CPSF6: variants seen among roughly 807,000 people sequenced by gnomAD.
CPSF6 encodes cleavage and polyadenylation specific factor 6.
CPSF6 carries 10 observed loss-of-function variants against 56.7 expected under a neutral mutation model. The ratio of observed to expected loss-of-function variants is 0.18; its 90% CI spans 0.11 to 0.30. CPSF6 has a LOEUF of 0.30. Ranked by LOEUF, CPSF6 falls within the 10% of genes least tolerant of loss-of-function variation. CPSF6 has a pLI of 1.00. For missense variants in CPSF6, 419 were observed against 722.9 expected, an observed-to-expected ratio of 0.58 and a Z score of 4.82; for synonymous variants, 248 against 244.8, an observed-to-expected ratio of 1.01 and a Z score of -0.12.
Position 69,256,707 on chromosome 12 carries a change from G to C in CPSF6, c.385G>C (p.Val129Leu). ...ANGQSKGFAL[V>L]GVGSEASSKK... ...TTAAACACTTTTTAGGTTTGCCCTTGTTGGTGTTGGATCTGAAGCATCTTC... is the reference window on the plus strand; with the variant it reads ...TTAAACACTTTTTAGGTTTGCCCTTCTTGGTGTTGGATCTGAAGCATCTTC... Residue 129 changes from valine to leucine, a missense_variant, in exon 4 of 10, where the codon GTT (valine) becomes CTT (leucine). Transcript: ENST00000435070. The C allele has an allele frequency of 6.2e-7, 1 of 1,611,420 alleles. No homozygotes were observed. The highest frequency in any genetic ancestry group is 1.3e-5 in the African/African-American group (1 of 74,838).
At position 69,269,676 on chromosome 12, in the gene CPSF6, G is replaced by A; in HGVS notation, c.*168G>A. On this transcript the variant is annotated 3_prime_UTR_variant, in exon 10 of 10. Coordinates refer to ENST00000435070, the MANE Select transcript of CPSF6 (RefSeq NM_007007.3). ...AGCAAATCTGCATAAATGGTAACCA[G>A]TAGCTCTACTTTTATTTTTTATGTT... is the stretch of plus-strand genomic sequence containing the variant. 4.4e-6 allele frequency: 1 copy of A among 228,748 alleles called. No homozygotes were observed. The highest frequency in any genetic ancestry group is 4.6e-5 in the South Asian group (1 of 21,878). The allele number at this position is 228,748 out of a possible 1,614,324, so 14.2% of individuals were successfully genotyped here.
chr12:69,258,788 C>A lies in CPSF6; in HGVS notation c.893C>A (p.Pro298His). The A allele has an allele frequency of 6.2e-7, 1 of 1,614,010 alleles. No individual in the cohort carries two copies. The highest frequency in any genetic ancestry group is 8.5e-7 in the Non-Finnish European group (1 of 1,179,964). Reference sequence around the variant, plus strand: ...GGTCCACTTCCTCCTGGCCCTCCACCTCCAGTTCCAGGCTACGGCCCCCCT... The same window carrying A: ...GGTCCACTTCCTCCTGGCCCTCCACATCCAGTTCCAGGCTACGGCCCCCCT... ...PLGPLPPGPP[P>H]PVPGYGPPPG... Residue 298 changes from proline to histidine, a missense_variant, in exon 6 of 10, where the codon CCT (proline) becomes CAT (histidine). By Grantham distance (77) the Pro-to-His change is moderately conservative. This residue lies in a region of CPSF6 where 211 missense variants were observed against 296.0 expected (regional missense o/e 0.71). Transcript: ENST00000435070. This position sits in a 1 kb window ranked among gnomAD's most constrained non-coding sequence, Gnocchi z 4.2.
Position 69,258,479 on chromosome 12 carries a change from C to T in CPSF6, c.695-111C>T. The T allele has an allele frequency of 1.8e-6, 2 of 1,126,496 alleles. No homozygotes were observed. Among genetic ancestry groups the T allele is most frequent in the Non-Finnish European group, 2.5e-6 (2 of 815,484 alleles). The allele number at this position is 1,126,496 out of a possible 1,614,324, so 69.8% of individuals were successfully genotyped here. Reference sequence around the variant, plus strand: ...TTACCATACGGGTTTAATTTAAAGACAAAGACTTGGTGTATGCTCTATGCG... The same window carrying T: ...TTACCATACGGGTTTAATTTAAAGATAAAGACTTGGTGTATGCTCTATGCG... On this transcript the variant is annotated intron_variant, in intron 5 of 9. Transcript: ENST00000435070. The surrounding 1 kb of genome is among the most constrained non-coding windows in gnomAD (Gnocchi z 4.2).
chr12:69,274,258 T>TGTTC lies in CPSF6; in HGVS notation c.*4752_*4755dup, dbSNP rs1163349785. ...TTCCTTTCTTTAGCATTTAGGTGAC[T>TGTTC]GTTCGGCAGTTTGATATATGGCCAT... is the stretch of plus-strand genomic sequence containing the variant. On this transcript the variant is annotated 3_prime_UTR_variant, in exon 10 of 10. Coordinates refer to ENST00000435070, the MANE Select transcript of CPSF6 (RefSeq NM_007007.3). 6.6e-6 allele frequency: 1 copy of TGTTC among 152,046 alleles called. No homozygotes were observed. Among genetic ancestry groups the TGTTC allele is most frequent in the Non-Finnish European group, 1.5e-5 (1 of 67,918 alleles). 9.4% of individuals were successfully genotyped at this position (152,046 alleles called of 1,614,324 possible). A position where few individuals can be genotyped will look rare whatever the true frequency, so the allele number is the denominator to read the frequency against.
intron 8 of CPSF6, among the ~76,000 whole-genome samples, chr12:69,260,946 T>G (rs1178165756): frequency 6.6e-6 from 1 of 151,578 alleles, no homozygotes; most frequent in African/African-American, 2.4e-5. Flanking sequence ...GCCTACAGAG[T>G]GTGTGGTACA....
At chr12:69,251,107 G>A in intron 1 of CPSF6, 22 bp from the exon 2 acceptor site, 1 of 1,599,560 alleles carries the variant, frequency 6.3e-7, no homozygotes, top group Non-Finnish European at 8.5e-7. Context: ...GTATAATCTA[G>A]AGCATTATTT....
chr12:69,257,955 T>A, intron 5 of CPSF6, 50 bp downstream of exon 5: 1 of 1,588,380 alleles, frequency 6.3e-7, no homozygotes, highest in South Asian at 1.1e-5. Flanking sequence ...ACCTAATACC[T>A]CTTTTCCTTT....
rs762352192 is a variant in CPSF6, at chr12:69,269,715, A to G, written c.*207A>G. ...ATTTTTTATGTTGCTTAACTGTTTT[A>G]TTTGAAGGAAACCTGTGTGATTTAA... On this transcript the variant is annotated 3_prime_UTR_variant, in exon 10 of 10. Transcript: ENST00000435070. The G allele has an allele frequency of 1.0e-4, 22 of 209,908 alleles. No individual in the cohort carries two copies. The highest frequency in any genetic ancestry group is 4.7e-4 in the African/African-American group (20 of 42,422). 13.0% of individuals were successfully genotyped at this position (209,908 alleles called of 1,614,324 possible). A position where few individuals can be genotyped will look rare whatever the true frequency, so the allele number is the denominator to read the frequency against.
chr12:69,273,945 T>G lies in CPSF6; in HGVS notation c.*4437T>G, dbSNP rs1316080733. 6.6e-6 allele frequency: 1 copy of G among 151,926 alleles called. No individual in the cohort carries two copies. Among genetic ancestry groups the G allele is most frequent in the African/African-American group, 2.4e-5 (1 of 41,410 alleles). 9.4% of individuals were successfully genotyped at this position (151,926 alleles called of 1,614,324 possible). A position where few individuals can be genotyped will look rare whatever the true frequency, so the allele number is the denominator to read the frequency against. ...GCCCTTAACAACAACAACAAAAAAT[T>G]GTATCATTTTACCAATATCCACGAA... On this transcript the variant is annotated 3_prime_UTR_variant, in exon 10 of 10. Coordinates refer to ENST00000435070, the MANE Select transcript of CPSF6 (RefSeq NM_007007.3).
At chr12:69,249,780 G>A (rs1004434356) in intron 1 of CPSF6, among the ~76,000 whole-genome samples, 1 of 152,086 alleles carries the variant, frequency 6.6e-6, no homozygotes, top group African/African-American at 2.4e-5. Context: ...CATTTTTCAT[G>A]TACTTAGTTA....
At chr12:69,244,591 TCTTA>T (rs1377433014) in intron 1 of CPSF6, among the ~76,000 whole-genome samples, 3 of 151,788 alleles carry the variant, frequency 2.0e-5, no homozygotes, top group Non-Finnish European at 4.4e-5. Context: ...AGAGACAAGG[TCTTA>T]CTGTGTTGCA....
intron 9 of CPSF6, among the ~76,000 whole-genome samples, chr12:69,265,657 C>T (rs2120627026): frequency 7.1e-6 from 1 of 140,098 alleles, no homozygotes; most frequent in African/African-American, 2.7e-5. Flanking sequence ...GTCTAGAGTG[C>T]AGTGGCACAA....
chr12:69,254,170 A>G (rs761299284), intron 3 of CPSF6, among the ~76,000 whole-genome samples: 19 of 131,630 alleles, frequency 1.4e-4, no homozygotes, highest in Admixed American at 5.5e-4. Flanking sequence ...TGTACTCCAC[A>G]TAACAGAAGT....
chr12:69,257,081 T>C (rs896832588), intron 4 of CPSF6, among the ~76,000 whole-genome samples: 1 of 152,212 alleles, frequency 6.6e-6, no homozygotes, highest in Admixed American at 6.5e-5. Flanking sequence ...AATGTGCAAG[T>C]TCTATAGCCC....
At chr12:69,254,404 A>C (rs532331187) in intron 3 of CPSF6, among the ~76,000 whole-genome samples, 1 of 152,260 alleles carries the variant, frequency 6.6e-6, no homozygotes, top group Non-Finnish European at 1.5e-5. Flanking sequence ...TCCCCCTCAA[A>C]TATCCACATG....
Position 69,254,107 on chromosome 12 carries a change from T to G in CPSF6, c.374+953T>G, listed in dbSNP as rs2120527749. Among the ~76,000 whole-genome samples, 3 of 152,300 alleles carry G rather than the reference T, an allele frequency of 2.0e-5. 1 individual carries two copies. Among genetic ancestry groups the G allele is most frequent in the Admixed American group, 2.0e-4 (3 of 15,290 alleles). On this transcript the variant is annotated intron_variant, in intron 3 of 9. Coordinates refer to ENST00000435070, the MANE Select transcript of CPSF6 (RefSeq NM_007007.3). The stretch of plus-strand genomic sequence containing the variant: ...GGTCAAAGCCACTATCATCTCTCAC[T>G]TAAACTTTGGCAGTAGCTTCCTAAC...
At position 69,270,342 on chromosome 12, in the gene CPSF6, T is replaced by C. The variant is rs1461589996; in HGVS notation, c.*834T>C. ...TAACACATAAGTAAAAACCCGTACA[T>C]ATTTGATGTGTAATGCAGGTTAATT... On this transcript the variant is annotated 3_prime_UTR_variant, in exon 10 of 10. Transcript: ENST00000435070. 1 of 152,158 alleles carries C rather than the reference T, an allele frequency of 6.6e-6. No individual in the cohort carries two copies. The highest frequency in any genetic ancestry group is 1.5e-5 in the Non-Finnish European group (1 of 67,702). 9.4% of individuals were successfully genotyped at this position (152,158 alleles called of 1,614,324 possible).
intron 1 of CPSF6, among the ~76,000 whole-genome samples, chr12:69,242,203 T>TAA (rs5798929): frequency 0.011 from 1,591 of 150,806 alleles, 9 homozygotes; most frequent in Non-Finnish European, 0.017. Flanking sequence ...TTGTAAACAT[T>TAA]AAAAAAAAAA....
chr12:69,268,119 C>G (rs977661566), intron 9 of CPSF6, among the ~76,000 whole-genome samples: 13 of 151,750 alleles, frequency 8.6e-5, no homozygotes, highest in African/African-American at 2.9e-4. Context: ...CCTTGTCTCT[C>G]TCTAATACAT....
Sources: allele counts gnomAD v4.1 joint callset (sites outside exome capture counted in the v4.1 genomes callset), GRCh38; gene constraint gnomAD v4.1.1; regional missense constraint gnomAD v4.1.1; non-coding constraint Gnocchi (gnomAD v3.1); transcripts MANE v1.5; gene names NCBI Gene and HGNC (gene_info 2026-07-23, HGNC 2026-07-21).